Variants in NWD2 observed in about 807,000 individuals in gnomAD.
NWD2 encodes NACHT and WD repeat domain-containing protein 2.
Under a neutral mutation model 132.7 loss-of-function variants are expected in NWD2, and 37 were observed. The ratio of observed to expected loss-of-function variants is 0.28; its 90% confidence interval spans 0.21 to 0.37. The LOEUF is 0.37. NWD2 is among the 10% of genes least tolerant of loss of function. The probability of loss-of-function intolerance (pLI) is 1.00; values close to 1 mark genes in which losing one functional copy is unlikely to be tolerated. For synonymous variants in NWD2, 705 were observed against 803.0 expected, an observed-to-expected ratio of 0.88 and a Z score of 2.06; for missense variants, 1,592 against 2,122.4, an observed-to-expected ratio of 0.75 and a Z score of 4.91.
intron 3 of NWD2, among the ~76,000 whole-genome samples, chr4:37,364,741 A>C (rs1232931525): frequency 2.0e-5 from 3 of 149,810 alleles, no homozygotes; most frequent in Non-Finnish European, 2.9e-5. Flanking sequence ...TCAGTGGCAC[A>C]GCTAGCAGGG....
At chr4:37,401,977 A>G (rs1260211023) in intron 3 of NWD2, among the ~76,000 whole-genome samples, 1 of 152,220 alleles carries the variant, frequency 6.6e-6, no homozygotes, top group Non-Finnish European at 1.5e-5. Flanking sequence ...TTGTGATGAT[A>G]TTAAGAGCTG....
intron 1 of NWD2, among the ~76,000 whole-genome samples, chr4:37,261,828 G>C (rs777566195): frequency 2.0e-5 from 3 of 152,166 alleles, no homozygotes; most frequent in Non-Finnish European, 4.4e-5. Flanking sequence ...CCAGTTAACG[G>C]GTGGTCATAA....
chr4:37,382,798 C>G (rs1290772354), intron 3 of NWD2, among the ~76,000 whole-genome samples: 1 of 152,104 alleles, frequency 6.6e-6, no homozygotes, highest in African/African-American at 2.4e-5. Flanking sequence ...TCAAGCAATT[C>G]TTGTGCCTCA....
intron 1 of NWD2, among the ~76,000 whole-genome samples, chr4:37,317,563 A>C (rs1718983319): frequency 6.6e-6 from 1 of 152,284 alleles, no homozygotes; most frequent in South Asian, 2.1e-4. Flanking sequence ...GTGAAGTCTC[A>C]GTTAAGTAGG....
At chr4:37,277,654 T>A (rs1161044899) in intron 1 of NWD2, among the ~76,000 whole-genome samples, 1 of 152,046 alleles carries the variant, frequency 6.6e-6, no homozygotes, top group Non-Finnish European at 1.5e-5. Context: ...TAAAAAATGG[T>A]TTCCTTTTTT....
At chr4:37,394,856 G>T (rs552925273) in intron 3 of NWD2, among the ~76,000 whole-genome samples, 26 of 114,380 alleles carry the variant, frequency 2.3e-4, no homozygotes, top group South Asian at 1.8e-3. Flanking sequence ...CACTGCCCAG[G>T]CTGGAGTGTG....
chr4:37,423,496 G>A (rs958404887), intron 3 of NWD2, among the ~76,000 whole-genome samples: 4 of 152,174 alleles, frequency 2.6e-5, no homozygotes, highest in Non-Finnish European at 5.9e-5. Flanking sequence ...TCGAGTCCAA[G>A]TGCAAAGGCC....
intron 3 of NWD2, among the ~76,000 whole-genome samples, chr4:37,418,741 ACT>A (rs1398860395): frequency 2.0e-5 from 3 of 152,052 alleles, no homozygotes; most frequent in Non-Finnish European, 4.4e-5. Context: ...GAATTGCCAC[ACT>A]GTCTTCCATA....
chr4:37,389,020 G>GA (rs951777499), intron 3 of NWD2, among the ~76,000 whole-genome samples: 2 of 151,986 alleles, frequency 1.3e-5, no homozygotes, highest in Admixed American at 6.5e-5. Context: ...AAAAGGTGGT[G>GA]AAAAAAATAA....
At chr4:37,435,970 A>C (rs891169374) in intron 5 of NWD2, among the ~76,000 whole-genome samples, 2 of 152,322 alleles carry the variant, frequency 1.3e-5, no homozygotes, top group East Asian at 1.9e-4. Flanking sequence ...AGAATACTGG[A>C]TAGAACCTGT....
At chr4:37,336,952 G>GAAAAAAAAAAAAAAAAAAAAAA in intron 2 of NWD2, among the ~76,000 whole-genome samples, 1 of 119,004 alleles carries the variant, frequency 8.4e-6, no homozygotes, top group Non-Finnish European at 1.7e-5. Context: ...CTCAAAAAAA[G>GAAAAAAAAAAAAAAAAAAAAAA]AAAAAAAAAA....
At chr4:37,343,896 A>G (rs976601585) in intron 2 of NWD2, among the ~76,000 whole-genome samples, 2 of 152,176 alleles carry the variant, frequency 1.3e-5, no homozygotes, top group Admixed American at 1.3e-4. Flanking sequence ...TTGTTAGGGC[A>G]TTATTTGCTG....
chr4:37,398,142 G>C (rs1720835626), intron 3 of NWD2, among the ~76,000 whole-genome samples: 1 of 152,180 alleles, frequency 6.6e-6, no homozygotes, highest in South Asian at 2.1e-4. Context: ...ATCCTCACCA[G>C]ATTCTTTGGA....
chr4:37,336,737 G>A (rs7699880), intron 2 of NWD2, among the ~76,000 whole-genome samples: 5,456 of 152,106 alleles, frequency 0.036, 311 homozygotes, highest in African/African-American at 0.12. Context: ...TCAGAAGTTC[G>A]AGACCAGCCT....
At chr4:37,338,916 T>A (rs1719465593) in intron 2 of NWD2, among the ~76,000 whole-genome samples, 1 of 152,250 alleles carries the variant, frequency 6.6e-6, no homozygotes, top group African/African-American at 2.4e-5. Context: ...CTTTTATAGT[T>A]GACAGGATTT....
chr4:37,324,879 T>C (rs139148182), intron 1 of NWD2, among the ~76,000 whole-genome samples: 72 of 152,258 alleles, frequency 4.7e-4, no homozygotes, highest in South Asian at 1.0e-3. Context: ...ATGGTTAAAT[T>C]TTCATGGACA....
At chr4:37,395,616 G>GCCTCTCC (rs1223546594) in intron 3 of NWD2, among the ~76,000 whole-genome samples, 57 of 103,352 alleles carry the variant, frequency 5.5e-4, no homozygotes, top group African/African-American at 1.8e-3. Flanking sequence ...AAAAGAGTCT[G>GCCTCTCC]CCTCTCCTTG....
Position 37,446,657 on chromosome 4 carries a change from A to G in NWD2, c.4669A>G (p.Lys1557Glu). The change falls in exon 7 of 7, where the codon AAA becomes GAA. Residue 1557 changes from lysine to glutamate, a missense_variant. By Grantham distance (56) the Lys-to-Glu change is moderately conservative. This residue lies in a region of NWD2 where 257 missense variants were observed against 335.0 expected (regional missense o/e 0.77). Transcript: ENST00000309447. The surrounding 1 kb of genome is among the most constrained non-coding windows in gnomAD (Gnocchi z 6.7). Reference sequence around the variant, plus strand: ...CAATGTGCTAGATTTATACAGTGGTAAATTGCGGGTGGTTCACGCCTCTGG... The same window carrying G: ...CAATGTGCTAGATTTATACAGTGGTGAATTGCGGGTGGTTCACGCCTCTGG... ...NINVLDLYSG[K>E]LRVVHASGII... 6.4e-7 allele frequency: 1 copy of G among 1,551,598 alleles called. No individual in the cohort carries two copies. Among genetic ancestry groups the G allele is most frequent in the South Asian group, 1.2e-5 (1 of 84,028 alleles).
At chr4:37,413,506 C>T (rs1721203859) in intron 3 of NWD2, among the ~76,000 whole-genome samples, 1 of 152,158 alleles carries the variant, frequency 6.6e-6, no homozygotes, top group Non-Finnish European at 1.5e-5. Context: ...AATAGGAATG[C>T]TTTTACACTA....
Sources: allele counts gnomAD v4.1 joint callset (sites outside exome capture counted in the v4.1 genomes callset), GRCh38; gene constraint gnomAD v4.1.1; regional missense constraint gnomAD v4.1.1; non-coding constraint Gnocchi (gnomAD v3.1); transcripts MANE v1.5; gene names NCBI Gene and HGNC (gene_info 2026-07-23, HGNC 2026-07-21).